The following GLT1D1 variants were observed in gnomAD, a reference collection of about 807,000 sequenced individuals.
The protein encoded by GLT1D1 is glycosyltransferase 1 domain containing 1.
In GLT1D1, 21 loss-of-function variants were observed where a neutral mutation model predicts 28.7. That is an observed-to-expected ratio of 0.73 (90% CI 0.52 to 1.05). The LOEUF (loss-of-function observed/expected upper bound fraction) is 1.05, where lower values mean the gene tolerates loss of function less well. Ranked by LOEUF, GLT1D1 falls within the 50% of genes least tolerant of loss-of-function variation. The pLI is 0.00. For synonymous variants in GLT1D1, 147 were observed against 124.8 expected, an observed-to-expected ratio of 1.18 and a Z score of -1.19; for missense variants, 343 against 330.6, an observed-to-expected ratio of 1.04 and a Z score of -0.29.
intron 7 of GLT1D1, among the ~76,000 whole-genome samples, chr12:128,978,911 G>C (rs1242619749): frequency 6.6e-6 from 1 of 152,194 alleles, no homozygotes; most frequent in Non-Finnish European, 1.5e-5. Flanking sequence ...GTGTAGCAGT[G>C]AGGACAACCG....
At chr12:128,945,437 C>A in intron 5 of GLT1D1, 68 bp downstream of exon 9, 1 of 1,228,320 alleles carries the variant, frequency 8.1e-7, no homozygotes, top group Non-Finnish European at 1.2e-6. Flanking sequence ...GTTACCTGAA[C>A]TCACATTTAT....
At chr12:128,864,681 T>C (rs1201526753) in intron 1 of GLT1D1, among the ~76,000 whole-genome samples, 2 of 152,100 alleles carry the variant, frequency 1.3e-5, no homozygotes, top group Non-Finnish European at 1.5e-5. Flanking sequence ...GGAAACCTTC[T>C]AAGGGGCTCG....
intron 1 of GLT1D1, 56 bp from the exon 2 acceptor site, chr12:128,875,858 G>T: frequency 1.4e-6 from 2 of 1,471,170 alleles, no homozygotes; most frequent in Non-Finnish European, 9.3e-7. Flanking sequence ...GCAGCAACCT[G>T]TTACATATTA....
At chr12:128,954,163 G>A (rs950114207) in intron 6 of GLT1D1, among the ~76,000 whole-genome samples, 10 of 150,398 alleles carry the variant, frequency 6.6e-5, no homozygotes, top group Admixed American at 2.0e-4. Flanking sequence ...TCACTCTGTC[G>A]CCCAGGCTGG....
chr12:128,940,815 C>A (rs1384409865), intron 4 of GLT1D1, among the ~76,000 whole-genome samples: 1 of 152,094 alleles, frequency 6.6e-6, no homozygotes, highest in Non-Finnish European at 1.5e-5. Flanking sequence ...ATTCACATGC[C>A]ACGAAATTCA....
At chr12:128,885,406 A>G (rs945143944) in intron 2 of GLT1D1, among the ~76,000 whole-genome samples, 2 of 152,070 alleles carry the variant, frequency 1.3e-5, no homozygotes, top group Non-Finnish European at 2.9e-5. Flanking sequence ...TATTTTTAGT[A>G]GAGATGGGGT....
At chr12:128,910,844 G>A (rs1871435734) in intron 4 of GLT1D1, among the ~76,000 whole-genome samples, 1 of 152,144 alleles carries the variant, frequency 6.6e-6, no homozygotes, top group Admixed American at 6.5e-5. Context: ...CTGGAGGCTT[G>A]AGATGCTTCC....
intron 1 of GLT1D1, among the ~76,000 whole-genome samples, chr12:128,868,684 G>A (rs1378307220): frequency 1.3e-5 from 2 of 152,142 alleles, no homozygotes; most frequent in Non-Finnish European, 2.9e-5. Context: ...GCTGGGTGCC[G>A]ACTGCCAGAG....
intron 3 of GLT1D1, among the ~76,000 whole-genome samples, chr12:128,894,152 A>G (rs935513927): frequency 1.3e-5 from 2 of 152,090 alleles, no homozygotes; most frequent in Admixed American, 6.5e-5. Flanking sequence ...TCAGCACTGT[A>G]TGGTGCTTGG....
At chr12:128,920,327 C>A (rs753280719) in intron 4 of GLT1D1, among the ~76,000 whole-genome samples, 3 of 152,094 alleles carry the variant, frequency 2.0e-5, no homozygotes, top group Non-Finnish European at 4.4e-5. Flanking sequence ...GCCGAGGCAG[C>A]GGATCACTTG....
intron 4 of GLT1D1, among the ~76,000 whole-genome samples, chr12:128,924,842 A>G (rs1227795227): frequency 1.3e-5 from 2 of 152,098 alleles, no homozygotes; most frequent in African/African-American, 4.8e-5. Flanking sequence ...AGGCTTGGAA[A>G]TCACATATGG....
In GLT1D1 at chr12:128,906,953, A is replaced by T. The variant is rs1015909088; in HGVS notation, c.375+7666A>T. The T allele has an allele frequency of 2.1e-5, 15 of 702,512 alleles. No individual in the cohort carries two copies. In the African/African-American group the frequency reaches 2.6e-4, roughly 12 times the overall value. The allele number at this position is 702,512 out of a possible 1,614,324, so 43.5% of individuals were successfully genotyped here. On this transcript the variant is annotated intron_variant, in intron 4 of 7. Coordinates refer to ENST00000281703, the MANE Select transcript of GLT1D1 (RefSeq NM_144669.3). ...GCTGTCACAAGTGCAGTTCCTGTAC[A>T]GGTGAGCTCCACAAGTCAGTGCAGA... is the stretch of plus-strand genomic sequence containing the variant.
rs60663875 is a variant in GLT1D1 at position 128,941,905 on chromosome 12, C to CT, written c.376-3397dup. Among the ~76,000 whole-genome samples the CT allele has an allele frequency of 8.5e-3, 642 of 75,322 alleles. 8 individuals are homozygous for CT. Among genetic ancestry groups the CT allele is most frequent in the African/African-American group, 0.026 (470 of 18,152 alleles). The allele number at this position is 75,322 out of a possible 152,430, so 49.4% of individuals were successfully genotyped here. ...CCGTGCCTGGTCTCTCTCTCTCTCT[C>CT]TTTTTTTTTTTTTTTTTTTTTTTTA... On this transcript the variant is annotated intron_variant, in intron 4 of 7. Coordinates refer to ENST00000281703, the MANE Select transcript of GLT1D1 (RefSeq NM_144669.3).
intron 4 of GLT1D1, among the ~76,000 whole-genome samples, chr12:128,908,764 A>G (rs947755741): frequency 6.6e-6 from 1 of 151,944 alleles, no homozygotes; most frequent in Non-Finnish European, 1.5e-5. Flanking sequence ...CTTGGCTAAC[A>G]CGGTGAAACC....
At chr12:128,924,458 C>CT (rs1278752820) in intron 4 of GLT1D1, among the ~76,000 whole-genome samples, 1 of 151,394 alleles carries the variant, frequency 6.6e-6, no homozygotes, top group African/African-American at 2.4e-5. Flanking sequence ...GAAAAAGCCT[C>CT]TTTTATTTAT....
intron 4 of GLT1D1, among the ~76,000 whole-genome samples, chr12:128,941,005 T>G (rs1450863478): frequency 1.3e-5 from 2 of 152,224 alleles, no homozygotes; most frequent in Non-Finnish European, 2.9e-5. Context: ...GAGTGACCCC[T>G]GGGTAACCAC....
chr12:128,918,398 T>G (rs1425876201), intron 4 of GLT1D1, among the ~76,000 whole-genome samples: 1 of 152,154 alleles, frequency 6.6e-6, no homozygotes, highest in Non-Finnish European at 1.5e-5. Flanking sequence ...GGTTGATAGA[T>G]GCAGCAAACC....
chr12:128,978,301 G>A (rs1350504352), intron 7 of GLT1D1, among the ~76,000 whole-genome samples: 20 of 152,126 alleles, frequency 1.3e-4, no homozygotes. Context: ...AAGTCCTGCT[G>A]TGTAGCTCTC....
At chr12:128,964,228 A>G (rs759174461) in intron 7 of GLT1D1, among the ~76,000 whole-genome samples, 4 of 152,216 alleles carry the variant, frequency 2.6e-5, no homozygotes, top group Non-Finnish European at 2.9e-5. Flanking sequence ...CAAAAAAAGT[A>G]AAATATTATC....
Sources: gnomAD v4.1 joint callset for allele counts (sites outside exome capture counted in the v4.1 genomes callset) on GRCh38, gnomAD v4.1.1 for gene constraint, MANE v1.5 for transcripts, NCBI Gene and HGNC (gene_info 2026-07-23, HGNC 2026-07-21) for gene names.